ATL2: variants seen among roughly 807,000 people sequenced by gnomAD.
ATL2 encodes atlastin GTPase 2.
In ATL2, 31 loss-of-function variants were observed where a neutral mutation model predicts 73.9. The ratio of observed to expected loss-of-function variants is 0.42; its 90% CI spans 0.32 to 0.57. The LOEUF (loss-of-function observed/expected upper bound fraction) is 0.57. Among genes scored for constraint, ATL2 ranks in the 20% least tolerant of loss-of-function variants. The probability of loss-of-function intolerance (pLI) is 0.14; values close to 1 mark genes in which losing one functional copy is unlikely to be tolerated. For missense variants in ATL2, 738 were observed against 702.6 expected, an observed-to-expected ratio of 1.05 and a Z score of -0.57; for synonymous variants, 291 against 237.5, an observed-to-expected ratio of 1.23 and a Z score of -2.07.
chr2:38,371,305 G>A (rs935571979), intron 1 of ATL2, among the ~76,000 whole-genome samples: 4 of 151,884 alleles, frequency 2.6e-5, no homozygotes, highest in African/African-American at 9.7e-5. Context: ...CCAGAAGTTT[G>A]AGACTAACCT....
Position 38,343,385 on chromosome 2 carries a change from C to A in ATL2, c.246G>T (p.Gln82His). 6.2e-7 allele frequency: 1 copy of A among 1,612,416 alleles called. No individual in the cohort carries two copies. Among genetic ancestry groups the A allele is most frequent in the Non-Finnish European group, 8.5e-7 (1 of 1,179,752 alleles). ...NFELDEEALEQILLQEHIRDL... is the reference protein window; with the variant it reads ...NFELDEEALEHILLQEHIRDL... The stretch of plus-strand genomic sequence containing the variant: ...CTCGTATGTGCTCCTGTAGCAATAT[C>A]TGCTCCAAAGCTTCTTCATCAAGTT... Residue 82 changes from glutamine (Q) to histidine (H), a missense_variant, in exon 2 of 13, where the codon CAG (glutamine) becomes CAT (histidine). Physicochemically the swap from Gln to His is conservative, Grantham distance 24. Transcript: ENST00000378954.
intron 9 of ATL2, among the ~76,000 whole-genome samples, chr2:38,306,989 C>G (rs1028330306): frequency 6.6e-6 from 1 of 152,140 alleles, no homozygotes; most frequent in Non-Finnish European, 1.5e-5. Context: ...GACCCCATCT[C>G]TAGCCATATA....
At position 38,299,314 on chromosome 2, in the gene ATL2, G is replaced by C. The variant is rs1329740005; in HGVS notation, c.1142C>G (p.Ala381Gly). Reference sequence around the variant, plus strand: ...TCCTGCTACTGCAGCAAGATTATTAGCTTCAGCTGTTGCCTAAAAAATAAA... The same window carrying C: ...TCCTGCTACTGCAGCAAGATTATTACCTTCAGCTGTTGCCTAAAAAATAAA... The part of the protein sequence containing the change: ...PKSMLQATAE[A>G]NNLAAVAGAR... The change falls in exon 11 of 13, where the codon GCT (alanine) becomes GGT (glycine). Residue 381 changes from alanine to glycine, a missense_variant. By Grantham distance (60) the Ala-to-Gly change is moderately conservative (BLOSUM62 0). Transcript: ENST00000378954. 3 of 1,510,950 alleles carry C rather than the reference G, an allele frequency of 2.0e-6. No homozygotes were observed. Among genetic ancestry groups the C allele is most frequent in the African/African-American group, 3.0e-5 (2 of 67,652 alleles). The allele number at this position is 1,510,950 out of a possible 1,614,324, so 93.6% of individuals were successfully genotyped here. A position where few individuals can be genotyped will look rare whatever the true frequency, so the allele number is the denominator to read the frequency against.
chr2:38,317,799 C>CT (rs1465589629), intron 4 of ATL2, among the ~76,000 whole-genome samples: 1 of 109,498 alleles, frequency 9.1e-6, no homozygotes, highest in African/African-American at 5.6e-5. Flanking sequence ...ATATCTTTTC[C>CT]TTTAAAAAAA....
chr2:38,313,987 G>C (rs1201236414), intron 6 of ATL2, among the ~76,000 whole-genome samples: 2 of 152,102 alleles, frequency 1.3e-5, no homozygotes. Flanking sequence ...TAATAAAAGT[G>C]ACCATACTAG....
At chr2:38,312,477 G>A (rs1396816399) in intron 7 of ATL2, among the ~76,000 whole-genome samples, 1 of 152,058 alleles carries the variant, frequency 6.6e-6, no homozygotes, top group African/African-American at 2.4e-5. Context: ...TTGGGAGGCC[G>A]AGGTAGGCCG....
intron 2 of ATL2, among the ~76,000 whole-genome samples, chr2:38,331,099 C>CA (rs1668962151): frequency 6.6e-6 from 1 of 151,864 alleles, no homozygotes; most frequent in Non-Finnish European, 1.5e-5. Context: ...GAGTTCGAGA[C>CA]AAACCTGGGC....
At chr2:38,332,807 G>A (rs538868955) in intron 2 of ATL2, among the ~76,000 whole-genome samples, 63 of 152,226 alleles carry the variant, frequency 4.1e-4, no homozygotes, top group African/African-American at 1.5e-3. Flanking sequence ...CTTATGCCTT[G>A]AACTTGCTTC....
intron 2 of ATL2, among the ~76,000 whole-genome samples, chr2:38,323,336 G>C (rs1161615441): frequency 1.4e-5 from 2 of 139,932 alleles, no homozygotes. Flanking sequence ...AAGGCAATCT[G>C]AAATCACCAG....
At position 38,374,874 on chromosome 2, in the gene ATL2, C is replaced by T. The variant is rs374327570; in HGVS notation, c.118+2269G>A. Among the ~76,000 whole-genome samples, 136 of 152,250 alleles carry T rather than the reference C, an allele frequency of 8.9e-4. 1 individual carries two copies. Among genetic ancestry groups the T allele is most frequent in the African/African-American group, 3.1e-3 (129 of 41,546 alleles). ...AAGTTACAATACAGTCACAGAAAAA[C>T]GAATCCTGAAATACACCTATGTGCA... is the stretch of plus-strand genomic sequence containing the variant. On this transcript the variant is annotated intron_variant, in intron 1 of 12. Transcript: ENST00000378954.
intron 1 of ATL2, among the ~76,000 whole-genome samples, chr2:38,350,685 G>A (rs980867535): frequency 1.3e-5 from 2 of 152,064 alleles, no homozygotes; most frequent in African/African-American, 2.4e-5. Flanking sequence ...GATGGCGGGG[G>A]ACAGTGTGTA....
chr2:38,374,907 T>G (rs1481176914), intron 1 of ATL2, among the ~76,000 whole-genome samples: 1 of 152,250 alleles, frequency 6.6e-6, no homozygotes, highest in Non-Finnish European at 1.5e-5. Flanking sequence ...GCACTCGACT[T>G]AAGGCCATAA....
intron 1 of ATL2, among the ~76,000 whole-genome samples, chr2:38,365,164 CAAAT>C (rs1222649815): frequency 0.01 from 1,383 of 133,874 alleles, 15 homozygotes; most frequent in African/African-American, 0.046. Context: ...CACACACACA[CAAAT>C]ACACACACAC....
chr2:38,315,875 A>T (rs1668001424), intron 4 of ATL2, among the ~76,000 whole-genome samples: 1 of 152,192 alleles, frequency 6.6e-6, no homozygotes, highest in African/African-American at 2.4e-5. Flanking sequence ...CTTACACTCA[A>T]CATGACAATT....
At chr2:38,358,598 C>G in intron 1 of ATL2, 1 of 281,534 alleles carries the variant, frequency 3.6e-6, no homozygotes, top group Non-Finnish European at 7.5e-6. Context: ...AGGCTGAGGC[C>G]GGAGAATGGC....
chr2:38,377,668 T>G (rs555631893), upstream of ATL2, among the ~76,000 whole-genome samples: 1 of 152,206 alleles, frequency 6.6e-6, no homozygotes, highest in East Asian at 1.9e-4. Context: ...TCGCTTTACA[T>G]CTCTAATCGT....
In ATL2 at chr2:38,296,032, C is replaced by T. The variant is rs1178609528; in HGVS notation, c.1714G>A (p.Asp572Asn). ...AATCTGGCATGATGAGACACCTGGT[C>T]AGTCAGGCCTGCTTTGATAGAGTTT... is the stretch of plus-strand genomic sequence containing the variant. Reference protein sequence around the residue: ...VTNSIKAGLTDQVSHHARLKT... With the variant: ...VTNSIKAGLTNQVSHHARLKT... The change falls in exon 13 of 13, where the codon GAC (aspartate) becomes AAC (asparagine). Residue 572 changes from aspartate (D) to asparagine (N), a missense_variant. By Grantham distance (23) the Asp-to-Asn change is conservative. Coordinates refer to ENST00000378954, the MANE Select transcript of ATL2 (RefSeq NM_001135673.4). 2.6e-6 allele frequency: 4 copies of T among 1,551,684 alleles called. No individual in the cohort carries two copies. The highest frequency in any genetic ancestry group is 3.5e-6 in the Non-Finnish European group (4 of 1,146,806).
At chr2:38,355,635 T>C (rs192211354) in intron 1 of ATL2, among the ~76,000 whole-genome samples, 189 of 150,570 alleles carry the variant, frequency 1.3e-3, no homozygotes, top group Non-Finnish European at 2.3e-3. Flanking sequence ...AAACTCAAAA[T>C]ACACGAAGCA....
chr2:38,359,450 C>T (rs1040048072), intron 1 of ATL2: 6 of 150,020 alleles, frequency 4.0e-5, no homozygotes, highest in African/African-American at 1.5e-4. Flanking sequence ...TGCACTCCAG[C>T]CTCAGTGACA....
Sources: gnomAD v4.1 joint callset for allele counts (sites outside exome capture counted in the v4.1 genomes callset) on GRCh38, gnomAD v4.1.1 for gene constraint, MANE v1.5 for transcripts, NCBI Gene and HGNC (gene_info 2026-07-23, HGNC 2026-07-21) for gene names.